Variants in DST observed in about 807,000 individuals in gnomAD.
DST encodes the protein bullous pemphigoid antigen.
Under a neutral mutation model 875.2 loss-of-function variants are expected in DST, and 253 were observed. The observed-to-expected ratio is 0.29, with a 90% CI of 0.26 to 0.32. The LOEUF is 0.32. DST is among the 10% of genes least tolerant of loss of function. DST has a pLI of 1.00. For synonymous variants in DST, 3,124 were observed against 3,197.1 expected (o/e 0.98, Z 0.77); for missense variants, 8,287 against 9,111.6 (o/e 0.91, Z 3.68).
rs768938960 is a variant in DST at position 56,619,293 on chromosome 6, T to C, written c.4930-4809A>G. On this transcript the variant is annotated intron_variant, in intron 36 of 103. Transcript: ENST00000680361. ...ATTAATTTGGTTTCATTATTCTGCC[T>C]AGTAAGCTCCTCTACTTTTTGTTTT... 1.9e-6 allele frequency: 3 copies of C among 1,612,394 alleles called. No homozygotes were observed. Among genetic ancestry groups the C allele is most frequent in the African/African-American group, 2.7e-5 (2 of 74,824 alleles).
chr6:56,483,925 A>C (rs1224026808), intron 88 of DST: 1 of 152,132 alleles, frequency 6.6e-6, no homozygotes, highest in African/African-American at 2.4e-5. Context: ...ACACATTCAC[A>C]CACACACAAG....
At chr6:56,663,847 C>T (rs1343075799) in intron 10 of DST, among the ~76,000 whole-genome samples, 1 of 152,132 alleles carries the variant, frequency 6.6e-6, no homozygotes, top group African/African-American at 2.4e-5. Context: ...CATTTGACTG[C>T]TTTGCTCCTG....
In DST at chr6:56,608,614, A is replaced by T. The variant is rs547560805; in HGVS notation, c.6014T>A (p.Met2005Lys). Reference protein sequence around the residue: ...GLINSNSGQRMTVEEAVREGV... With the variant: ...GLINSNSGQRKTVEEAVREGV... The stretch of plus-strand genomic sequence containing the variant: ...TTCTCTGACAGCTTCTTCAACAGTC[A>T]TTCTTTGGCCAGAGTTGGAATTGAT... The change falls in exon 40 of 104, where the codon ATG becomes AAG. Residue 2005 changes from methionine to lysine, a missense_variant. Physicochemically the swap from Met to Lys is moderately conservative, Grantham distance 95. Transcript: ENST00000680361. 20 of 1,613,442 alleles carry T rather than the reference A, an allele frequency of 1.2e-5. No homozygotes were observed. The Admixed American group carries it at 2.2e-4, about 18-fold the overall frequency.
intron 3 of DST, among the ~76,000 whole-genome samples, chr6:56,893,562 C>CTTTTTTTTTTTTTTTTTTTTTTTTTGTT (rs1282483681): frequency 2.8e-5 from 1 of 35,910 alleles, no homozygotes; most frequent in Non-Finnish European, 5.1e-5. Flanking sequence ...ACTTTTAGTT[C>CTTTTTTTTTTTTTTTTTTTTTTTTTGTT]TTTTTTTTTT....
At chr6:56,884,302 T>C (rs895694178) in intron 3 of DST, among the ~76,000 whole-genome samples, 24 of 152,110 alleles carry the variant, frequency 1.6e-4, no homozygotes, top group African/African-American at 5.8e-4. Context: ...TCAAAGAAAT[T>C]AGGGGTATTT....
chr6:56,530,858 C>T (rs773481331), intron 64 of DST, among the ~76,000 whole-genome samples: 3 of 152,130 alleles, frequency 2.0e-5, no homozygotes, highest in African/African-American at 4.8e-5. Flanking sequence ...GGTCTGCATA[C>T]GGAGTACCTG....
Position 56,509,744 on chromosome 6 carries a change from C to G in DST, c.18910G>C (p.Val6304Leu). The change falls in exon 74 of 104, where the codon GTA becomes CTA. Residue 6304 changes from valine (V) to leucine (L), a missense_variant. Physicochemically the swap from Val to Leu is conservative, Grantham distance 32 (BLOSUM62 1). This residue lies in a region of DST where 1,292 missense variants were observed against 1,552.7 expected (regional missense o/e 0.83). Coordinates refer to ENST00000680361, the MANE Select transcript of DST (RefSeq NM_001374736.1). ...EQISENKNVS[V>L]DMEKLQPLYE... is the part of the protein sequence containing the mutation. ...AACGGCTGTAGCTTTTCCATGTCTA[C>G]TGACACATTCTTATTTTCACTGATC... 6.2e-7 allele frequency: 1 copy of G among 1,613,734 alleles called. No individual in the cohort carries two copies.
intron 96 of DST, 23 bp from the exon 97 acceptor site, chr6:56,469,980 ATTTAC>A: frequency 6.2e-7 from 1 of 1,611,920 alleles, no homozygotes; most frequent in Non-Finnish European, 8.5e-7. Flanking sequence ...ATGATGAAAT[ATTTAC>A]TTTAATGTCA....
chr6:56,657,775 T>A (rs1325478134), intron 10 of DST, among the ~76,000 whole-genome samples: 1 of 151,600 alleles, frequency 6.6e-6, no homozygotes, highest in African/African-American at 2.4e-5. Context: ...TTATTATTTA[T>A]TTTTTTTGAG....
rs57439200 is a variant in DST, at chr6:56,636,531, T to C, written c.3060+26A>G. Reference sequence around the variant, plus strand: ...TTAGCCAAAATCACAATACCATCTATTGAAGTTATGATTCTACTCACATAC... The same window carrying C: ...TTAGCCAAAATCACAATACCATCTACTGAAGTTATGATTCTACTCACATAC... On this transcript the variant is annotated intron_variant, in intron 23 of 103. Transcript: ENST00000680361. The C allele has an allele frequency of 1.2e-3, 1,975 of 1,580,826 alleles. 21 individuals are homozygous for C. The African/African-American group carries it at 0.024, about 19-fold the overall frequency.
chr6:56,843,892 C>A, intron 4 of DST: 1 of 174,808 alleles, frequency 5.7e-6, no homozygotes, highest in Non-Finnish European at 1.1e-5. Flanking sequence ...GGCCCGCCCA[C>A]CCTGGTGGAC....
chr6:56,693,816 C>A (rs1162747758), intron 9 of DST, among the ~76,000 whole-genome samples: 2 of 151,752 alleles, frequency 1.3e-5, no homozygotes, highest in Admixed American at 6.6e-5. Flanking sequence ...TAAGCTGATT[C>A]AATAGCTAGC....
At chr6:56,692,715 T>C (rs2099239229) in intron 9 of DST, 1 of 1,289,648 alleles carries the variant, frequency 7.8e-7, no homozygotes, top group Non-Finnish European at 1.0e-6. Flanking sequence ...TGTCTTTTTC[T>C]GAAATCCTTT....
intron 2 of DST, among the ~76,000 whole-genome samples, chr6:56,905,309 T>C (rs752352119): frequency 1.3e-5 from 2 of 152,166 alleles, no homozygotes; most frequent in Admixed American, 6.5e-5. Context: ...AAGTGCACAA[T>C]ACAGTATTGT....
intron 61 of DST, among the ~76,000 whole-genome samples, chr6:56,541,821 A>T (rs1483788737): frequency 2.0e-5 from 3 of 152,206 alleles, no homozygotes; most frequent in Non-Finnish European, 4.4e-5. Flanking sequence ...CATCAATAAC[A>T]GAGAACAAAA....
chr6:56,678,767 A>C (rs993700159), intron 9 of DST, among the ~76,000 whole-genome samples: 2 of 152,172 alleles, frequency 1.3e-5, no homozygotes, highest in Admixed American at 1.3e-4. Context: ...ACCAATAAAG[A>C]TAACTTTAGA....
At chr6:56,937,251 A>G (rs1813487030) in intron 2 of DST, among the ~76,000 whole-genome samples, 1 of 152,172 alleles carries the variant, frequency 6.6e-6, no homozygotes, top group South Asian at 2.1e-4. Flanking sequence ...ACCACAGACC[A>G]TAAAAATAGG....
chr6:56,846,618 C>T (rs748683714), intron 4 of DST, among the ~76,000 whole-genome samples: 1 of 152,180 alleles, frequency 6.6e-6, no homozygotes, highest in Non-Finnish European at 1.5e-5. Flanking sequence ...TTTATTCTCA[C>T]ATTGACCCTA....
rs779202202 is a variant in DST, at chr6:56,604,502, G to A, written c.10126C>T (p.Pro3376Ser). The A allele has an allele frequency of 3.1e-6, 5 of 1,612,444 alleles. No homozygotes were observed. In the South Asian group the frequency reaches 5.5e-5, roughly 18 times the overall value. Residue 3376 changes from proline (P) to serine (S), a missense_variant, in exon 40 of 104, where the codon CCT (proline) becomes TCT (serine). This residue lies in a region of DST where 3,138 missense variants were observed against 3,116.6 expected (regional missense o/e 1.01). Coordinates refer to ENST00000680361, the MANE Select transcript of DST (RefSeq NM_001374736.1). The part of the protein sequence containing the change: ...GHMNPQEVEE[P>S]SACADTKILI... Reference sequence around the variant, plus strand: ...ATTTTAGTGTCTGCACAGGCTGAAGGTTCTTCAACCTCTTGAGGGTTCATA... The same window carrying A: ...ATTTTAGTGTCTGCACAGGCTGAAGATTCTTCAACCTCTTGAGGGTTCATA...
Sources: gnomAD v4.1 joint callset for allele counts (sites outside exome capture counted in the v4.1 genomes callset) on GRCh38, gnomAD v4.1.1 for gene constraint, gnomAD v4.1.1 regional missense constraint, MANE v1.5 for transcripts, NCBI Gene and HGNC (gene_info 2026-07-23, HGNC 2026-07-21) for gene names.